The following SCAPER variants were observed in gnomAD, a reference collection of about 807,000 sequenced individuals.
The protein encoded by SCAPER is S-phase cyclin A associated protein in the ER, also known as S phase cyclin A-associated protein in the endoplasmic reticulum.
In SCAPER, 98 loss-of-function variants were observed where a neutral mutation model predicts 182.2. The observed-to-expected ratio is 0.54, with a 90% CI of 0.46 to 0.64. The LOEUF (loss-of-function observed/expected upper bound fraction) is 0.64, where lower values mean the gene tolerates loss of function less well. SCAPER is among the 30% of genes least tolerant of loss of function. The probability of loss-of-function intolerance (pLI) is 0.00; values close to 1 mark genes in which losing one functional copy is unlikely to be tolerated. For synonymous variants in SCAPER, 605 were observed against 564.6 expected, an observed-to-expected ratio of 1.07 and a Z score of -1.01; for missense variants, 1,432 against 1,690.0, an observed-to-expected ratio of 0.85 and a Z score of 2.68.
Position 76,506,707 on chromosome 15 carries a change from C to T in SCAPER, c.2839-1733G>A, listed in dbSNP as rs138607486. Among the ~76,000 whole-genome samples, 3 of 152,148 alleles carry T rather than the reference C, an allele frequency of 2.0e-5. No individual in the cohort carries two copies. The East Asian group carries it at 5.8e-4, about 29-fold the overall frequency. ...TTTATCACATTGTAATCTTAATTAC[C>T]ACCTAACAATATAGACTTCCACAAA... On this transcript the variant is annotated intron_variant, in intron 23 of 31. Transcript: ENST00000563290.
At chr15:76,768,327 G>A (rs1382853696) in intron 10 of SCAPER, among the ~76,000 whole-genome samples, 2 of 152,234 alleles carry the variant, frequency 1.3e-5, no homozygotes, top group African/African-American at 4.8e-5. Context: ...TAAATAAAAT[G>A]TGGTATATTC....
In SCAPER at chr15:76,615,828, A is replaced by C. The variant is rs1361417362; in HGVS notation, c.2711+5936T>G. 2.6e-5 allele frequency among the ~76,000 whole-genome samples: 4 copies of C among 152,074 alleles called. No individual in the cohort carries two copies. In the East Asian group the frequency reaches 7.7e-4, roughly 29 times the overall value. On this transcript the variant is annotated intron_variant, in intron 22 of 31. Transcript: ENST00000563290. ...GAGCGAGATTCCATCTCAAAAAAAA[A>C]AAAAAAAAGAATATACAAATGTCCA...
intron 5 of SCAPER, among the ~76,000 whole-genome samples, chr15:76,821,931 T>A (rs963796736): frequency 6.6e-6 from 1 of 151,872 alleles, no homozygotes; most frequent in Non-Finnish European, 1.5e-5. Flanking sequence ...TGATTCCAAC[T>A]ATACAACATT....
intron 21 of SCAPER, among the ~76,000 whole-genome samples, chr15:76,639,936 T>C (rs1328011282): frequency 3.9e-5 from 6 of 152,228 alleles, no homozygotes; most frequent in Non-Finnish European, 7.3e-5. Flanking sequence ...TATCATAGTA[T>C]TTTAATAGTC....
At chr15:76,380,700 T>C (rs1388178785) in intron 28 of SCAPER, 3 of 152,156 alleles carry the variant, frequency 2.0e-5, no homozygotes, top group East Asian at 3.8e-4. Flanking sequence ...GTTCCAAAGG[T>C]TCAGTGTTTT....
Position 76,477,728 on chromosome 15 carries a change from TTTGA to T in SCAPER, c.2955-6397_2955-6394del, listed in dbSNP as rs557779602. 9.7e-4 allele frequency among the ~76,000 whole-genome samples: 147 copies of T among 152,308 alleles called. 2 individuals carry two copies. In the South Asian group the frequency reaches 0.017, roughly 18 times the overall value. ...ACCGGTATTTTAAAGGTTACATTTC[TTTGA>T]TTATCAGTATGATTAGAGATTTTTT... On this transcript the variant is annotated intron_variant, in intron 24 of 31. Transcript: ENST00000563290.
chr15:76,397,724 G>A (rs1418982554), intron 27 of SCAPER, among the ~76,000 whole-genome samples: 7 of 152,012 alleles, frequency 4.6e-5, no homozygotes, highest in Admixed American at 6.6e-5. Flanking sequence ...TGATCCGCCC[G>A]CCTTGGCCTC....
At chr15:76,828,621 G>A (rs1228124902) in intron 5 of SCAPER, among the ~76,000 whole-genome samples, 1 of 152,134 alleles carries the variant, frequency 6.6e-6, no homozygotes, top group Non-Finnish European at 1.5e-5. Context: ...ATTTTACTGT[G>A]AAGACTACAA....
Position 76,604,047 on chromosome 15 carries a change from T to C in SCAPER, c.2711+17717A>G, listed in dbSNP as rs1367743159. ...AGTTTAATTAGATCCCATTTGTCAATTTTGGCTTTTGTTGCCATTGCTTTT... is the reference window on the plus strand; with the variant it reads ...AGTTTAATTAGATCCCATTTGTCAACTTTGGCTTTTGTTGCCATTGCTTTT... On this transcript the variant is annotated intron_variant, in intron 22 of 31. Coordinates refer to ENST00000563290, the MANE Select transcript of SCAPER (RefSeq NM_020843.4). Among the ~76,000 whole-genome samples the C allele has an allele frequency of 2.9e-4, 35 of 121,028 alleles. 3 individuals carry two copies. Among genetic ancestry groups the C allele is most frequent in the African/African-American group, 8.3e-4 (33 of 39,732 alleles). The allele number at this position is 121,028 out of a possible 152,430, so 79.4% of individuals were successfully genotyped here.
intron 15 of SCAPER, among the ~76,000 whole-genome samples, chr15:76,735,061 C>T (rs913932031): frequency 6.6e-6 from 1 of 151,944 alleles, no homozygotes; most frequent in African/African-American, 2.4e-5. Flanking sequence ...ACAACTCAAC[C>T]TTGGCAGGGT....
intron 24 of SCAPER, among the ~76,000 whole-genome samples, chr15:76,480,963 C>T (rs933860400): frequency 1.3e-5 from 2 of 152,184 alleles, no homozygotes; most frequent in African/African-American, 2.4e-5. Flanking sequence ...GATCTCCTGA[C>T]CTTGTGATCC....
chr15:76,384,728 T>C (rs1402149728), intron 27 of SCAPER, among the ~76,000 whole-genome samples: 1 of 152,058 alleles, frequency 6.6e-6, no homozygotes, highest in Non-Finnish European at 1.5e-5. Flanking sequence ...AAGGGGAGGG[T>C]TTGACTGTCC....
intron 27 of SCAPER, among the ~76,000 whole-genome samples, chr15:76,403,374 A>G (rs1216835089): frequency 6.6e-6 from 1 of 152,344 alleles, no homozygotes; most frequent in East Asian, 1.9e-4. Flanking sequence ...AACTTGAAAC[A>G]CTGAACACAG....
intron 7 of SCAPER, chr15:76,797,363 T>TA: frequency 6.6e-6 from 1 of 152,228 alleles, no homozygotes; most frequent in Non-Finnish European, 1.5e-5. Flanking sequence ...GAGATTGAAA[T>TA]ACCATTTGAA....
rs142246083 is a variant in SCAPER at position 76,430,410 on chromosome 15, C to T, written c.3311+3668G>A. ...AAACTGCAGACACTCAATGCCAGCC[C>T]GTGAAAGCAGCCAAGAGAGGGGCTA... On this transcript the variant is annotated intron_variant, in intron 26 of 31. Coordinates refer to ENST00000563290, the MANE Select transcript of SCAPER (RefSeq NM_020843.4). 5.3e-3 allele frequency among the ~76,000 whole-genome samples: 814 copies of T among 152,290 alleles called. 12 individuals are homozygous for T. The highest frequency in any genetic ancestry group is 0.018 in the African/African-American group (755 of 41,566).
chr15:76,513,500 T>C (rs776233009), intron 23 of SCAPER, among the ~76,000 whole-genome samples: 7 of 152,192 alleles, frequency 4.6e-5, no homozygotes, highest in Non-Finnish European at 8.8e-5. Flanking sequence ...CGCAAGCATG[T>C]GGCGTTAAAT....
chr15:76,829,095 T>C (rs756556745), intron 5 of SCAPER, among the ~76,000 whole-genome samples: 9 of 152,138 alleles, frequency 5.9e-5, no homozygotes, highest in Non-Finnish European at 1.0e-4. Context: ...AAAAAATGTA[T>C]ATATACACCA....
chr15:76,816,710 T>G (rs2067113131), intron 5 of SCAPER, among the ~76,000 whole-genome samples: 1 of 151,502 alleles, frequency 6.6e-6, no homozygotes, highest in South Asian at 2.1e-4. Flanking sequence ...TGGAGTGCAG[T>G]GGCGCTATCT....
At chr15:76,709,795 C>T (rs984335045) in intron 17 of SCAPER, among the ~76,000 whole-genome samples, 3 of 152,144 alleles carry the variant, frequency 2.0e-5, no homozygotes, top group African/African-American at 4.8e-5. Flanking sequence ...CAAGAAGCCA[C>T]CAACAAATAA....
Sources: gnomAD v4.1 joint callset for allele counts (sites outside exome capture counted in the v4.1 genomes callset) on GRCh38, gnomAD v4.1.1 for gene constraint, MANE v1.5 for transcripts, NCBI Gene and HGNC (gene_info 2026-07-23, HGNC 2026-07-21) for gene names.